The following DGKB variants were observed in gnomAD, a reference collection of about 807,000 sequenced individuals.
DGKB encodes diacylglycerol kinase beta.
In DGKB, 67 loss-of-function variants were observed where a neutral mutation model predicts 114.3. That is an observed-to-expected ratio of 0.59 (90% CI 0.48 to 0.72). DGKB has a LOEUF of 0.72. DGKB is among the 30% of genes least tolerant of loss of function. DGKB has a pLI of 0.00. For synonymous variants in DGKB, 398 were observed against 323.1 expected, an observed-to-expected ratio of 1.23 and a Z score of -2.49; for missense variants, 907 against 975.2, an observed-to-expected ratio of 0.93 and a Z score of 0.93.
intron 2 of DGKB, among the ~76,000 whole-genome samples, chr7:14,826,256 C>G (rs756226792): frequency 2.6e-5 from 4 of 152,106 alleles, no homozygotes; most frequent in African/African-American, 9.7e-5. Flanking sequence ...TCTAATTATT[C>G]CGTGGGACTC....
chr7:14,644,008 A>G (rs766701482), intron 13 of DGKB, among the ~76,000 whole-genome samples: 16 of 152,142 alleles, frequency 1.1e-4, no homozygotes, highest in Non-Finnish European at 2.4e-4. Flanking sequence ...AGGATCCTGA[A>G]GACTGGCCTA....
At chr7:14,662,037 A>T (rs1488636288) in intron 13 of DGKB, among the ~76,000 whole-genome samples, 1 of 152,022 alleles carries the variant, frequency 6.6e-6, no homozygotes, top group African/African-American at 2.4e-5. Context: ...GGGGAACATC[A>T]CACTCTGGGG....
intron 23 of DGKB, among the ~76,000 whole-genome samples, chr7:14,314,479 A>G (rs2128514558): frequency 6.6e-6 from 1 of 152,242 alleles, no homozygotes; most frequent in East Asian, 1.9e-4. Context: ...GAACTACGTG[A>G]AGAATGCAGA....
chr7:14,972,624 A>G (rs1043888188), intron 1 of DGKB, among the ~76,000 whole-genome samples: 9 of 151,910 alleles, frequency 5.9e-5, no homozygotes, highest in Non-Finnish European at 1.0e-4. Flanking sequence ...TAATATTTGA[A>G]TGCCTCTTAT....
At chr7:14,326,646 T>C (rs1808793128) in intron 23 of DGKB, among the ~76,000 whole-genome samples, 1 of 152,188 alleles carries the variant, frequency 6.6e-6, no homozygotes, top group Non-Finnish European at 1.5e-5. Context: ...ATTTTCAACC[T>C]CCTTTCCTTT....
intron 23 of DGKB, among the ~76,000 whole-genome samples, chr7:14,260,073 T>A (rs1334830353): frequency 7.0e-6 from 1 of 143,420 alleles, no homozygotes; most frequent in Non-Finnish European, 1.5e-5. Context: ...CACATATACA[T>A]CCCTACATAT....
At chr7:14,795,183 G>A (rs758249105) in intron 2 of DGKB, among the ~76,000 whole-genome samples, 16 of 152,154 alleles carry the variant, frequency 1.1e-4, no homozygotes, top group African/African-American at 3.1e-4. Context: ...GAACATGTAC[G>A]AAATTGATAA....
intron 25 of DGKB, among the ~76,000 whole-genome samples, chr7:14,161,517 G>A (rs958501073): frequency 3.3e-5 from 5 of 151,480 alleles, no homozygotes; most frequent in African/African-American, 1.2e-4. Flanking sequence ...GTCTTTGCAG[G>A]GACATGGATG....
intron 1 of DGKB, among the ~76,000 whole-genome samples, chr7:14,962,396 T>A (rs12670706): frequency 0.22 from 33,646 of 152,082 alleles, 5,814 homozygotes; most frequent in East Asian, 0.76. Flanking sequence ...GTTGCCTTTT[T>A]TAAAGATCAA....
intron 6 of DGKB, among the ~76,000 whole-genome samples, chr7:14,706,053 G>A: frequency 6.7e-6 from 1 of 150,020 alleles, no homozygotes; most frequent in Non-Finnish European, 1.5e-5. Context: ...CCATCAGTGT[G>A]CTGTATTCAG....
chr7:14,604,693 T>C (rs948049469), intron 17 of DGKB, among the ~76,000 whole-genome samples: 1 of 151,976 alleles, frequency 6.6e-6, no homozygotes, highest in African/African-American at 2.4e-5. Context: ...ATCACTGCAA[T>C]AGGACACTCT....
intron 23 of DGKB, among the ~76,000 whole-genome samples, chr7:14,218,815 A>C (rs867422930): frequency 6.6e-5 from 10 of 151,878 alleles, no homozygotes; most frequent in South Asian, 2.1e-4. Flanking sequence ...TAGTATATTC[A>C]AAGTTATGTG....
At chr7:14,697,915 AAG>A (rs1019756895) in intron 8 of DGKB, among the ~76,000 whole-genome samples, 178 bp downstream of exon 8, 1 of 150,072 alleles carries the variant, frequency 6.7e-6, no homozygotes, top group Non-Finnish European at 1.5e-5. Flanking sequence ...AGAAGGAAGG[AAG>A]AGAGAGAAAG....
At chr7:14,736,577 T>C (rs1831757850) in intron 4 of DGKB, among the ~76,000 whole-genome samples, 2 of 152,160 alleles carry the variant, frequency 1.3e-5, no homozygotes, top group Non-Finnish European at 1.5e-5. Context: ...AACAAGCCAA[T>C]ACAGAGTCAT....
intron 1 of DGKB, among the ~76,000 whole-genome samples, chr7:14,893,625 A>C (rs1317010907): frequency 6.6e-6 from 1 of 151,282 alleles, no homozygotes; most frequent in African/African-American, 2.4e-5. Flanking sequence ...TCATATAGCC[A>C]ACTGTTCACT....
intron 21 of DGKB, among the ~76,000 whole-genome samples, chr7:14,399,043 A>C (rs1282880806): frequency 6.6e-6 from 1 of 151,880 alleles, no homozygotes; most frequent in Admixed American, 6.6e-5. Flanking sequence ...ATTTGGACTC[A>C]AGAGATATGA....
At chr7:14,212,914 C>G (rs1788360066) in intron 23 of DGKB, among the ~76,000 whole-genome samples, 1 of 152,000 alleles carries the variant, frequency 6.6e-6, no homozygotes, top group African/African-American at 2.4e-5. Context: ...AAAACGTAAA[C>G]ATTATACATG....
chr7:14,563,802 A>G (rs754199294), intron 20 of DGKB, among the ~76,000 whole-genome samples: 2 of 152,104 alleles, frequency 1.3e-5, no homozygotes, highest in Non-Finnish European at 2.9e-5. Flanking sequence ...CTAGCCTTGT[A>G]TGGAAAAGAC....
chr7:14,970,926 G>A (rs1245773427), intron 1 of DGKB, among the ~76,000 whole-genome samples: 1 of 152,186 alleles, frequency 6.6e-6, no homozygotes, highest in African/African-American at 2.4e-5. Context: ...AGGTCAGGAA[G>A]TGGCAGGGAA....
Sources: gnomAD v4.1 joint callset for allele counts (sites outside exome capture counted in the v4.1 genomes callset) on GRCh38, gnomAD v4.1.1 for gene constraint, MANE v1.5 for transcripts, NCBI Gene and HGNC (gene_info 2026-07-23, HGNC 2026-07-21) for gene names.